Variants in SLC17A5 observed in about 807,000 individuals in gnomAD.
SLC17A5 encodes the protein sialin.
Under a neutral mutation model 59.4 loss-of-function variants are expected in SLC17A5, and 47 were observed. The observed-to-expected ratio is 0.79, with a 90% confidence interval of 0.63 to 1.01. The LOEUF (loss-of-function observed/expected upper bound fraction) is 1.01, where lower values mean the gene tolerates loss of function less well. Among genes scored for constraint, SLC17A5 ranks in the 50% least tolerant of loss-of-function variants. The pLI is 0.00. For missense variants in SLC17A5, 522 were observed against 595.5 expected, an observed-to-expected ratio of 0.88 and a Z score of 1.28; for synonymous variants, 202 against 210.7, an observed-to-expected ratio of 0.96 and a Z score of 0.36.
At chr6:73,604,069 A>G (rs1476387316) in intron 9 of SLC17A5, among the ~76,000 whole-genome samples, 2 of 152,232 alleles carry the variant, frequency 1.3e-5, no homozygotes, top group Non-Finnish European at 2.9e-5. Flanking sequence ...ACCATGAAGT[A>G]CAGATCTTTT....
chr6:73,641,996 T>C (rs1769308333), intron 2 of SLC17A5, 72 bp from the exon 3 acceptor site: 2 of 1,265,880 alleles, frequency 1.6e-6, no homozygotes, highest in Non-Finnish European at 2.3e-6. Context: ...CTTACTGGCA[T>C]GTAAGTACAT....
intron 3 of SLC17A5, 92 bp downstream of exon 3, chr6:73,641,599 T>C: frequency 1.1e-6 from 1 of 913,298 alleles, no homozygotes; most frequent in Non-Finnish European, 1.7e-6. Flanking sequence ...ACGTTATTTT[T>C]TGGTTCATAT....
In SLC17A5 at chr6:73,594,987, C is replaced by T. The variant is rs1766727867; in HGVS notation, c.*90G>A. ...TAATACAAGTACAATTAAAAAAAGA[C>T]ATAGAATGCTTACACAATACAGAAG... On this transcript the variant is annotated 3_prime_UTR_variant, in exon 11 of 11. Coordinates refer to ENST00000355773, the MANE Select transcript of SLC17A5 (RefSeq NM_012434.5). 3.6e-6 allele frequency: 5 copies of T among 1,378,046 alleles called. No individual in the cohort carries two copies. Among genetic ancestry groups the T allele is most frequent in the East Asian group, 4.6e-5 (2 of 43,618 alleles). The allele number at this position is 1,378,046 out of a possible 1,614,324, so 85.4% of individuals were successfully genotyped here.
At chr6:73,652,314 G>T (rs948813508) in intron 1 of SLC17A5, among the ~76,000 whole-genome samples, 18 of 152,130 alleles carry the variant, frequency 1.2e-4, no homozygotes, top group African/African-American at 4.3e-4. Flanking sequence ...CTTTATTGAA[G>T]TATAATTTAC....
Position 73,628,297 on chromosome 6 carries a change from G to A in SLC17A5, c.820-6335C>T, listed in dbSNP as rs1768532831. Reference sequence around the variant, plus strand: ...AGAAAATACATATGCGTGGCTGGGCGTGGTGGCTCACACCTGTAATCCCAG... The same window carrying A: ...AGAAAATACATATGCGTGGCTGGGCATGGTGGCTCACACCTGTAATCCCAG... On this transcript the variant is annotated intron_variant, in intron 6 of 10. Coordinates refer to ENST00000355773, the MANE Select transcript of SLC17A5 (RefSeq NM_012434.5). 3.3e-5 allele frequency among the ~76,000 whole-genome samples: 5 copies of A among 152,250 alleles called. No homozygotes were observed. In the South Asian group the frequency reaches 1.0e-3, roughly 32 times the overall value.
intron 6 of SLC17A5, among the ~76,000 whole-genome samples, chr6:73,629,495 G>C (rs115694151): frequency 6.6e-6 from 1 of 152,016 alleles, no homozygotes; most frequent in Admixed American, 6.6e-5. Flanking sequence ...AGAAGAAGCC[G>C]GGTGTGGTGG....
chr6:73,653,611 C>T, intron 1 of SLC17A5, 182 bp downstream of exon 1: 1 of 577,328 alleles, frequency 1.7e-6, no homozygotes, highest in Non-Finnish European at 2.2e-6. Context: ...GGGGCTTCTG[C>T]GCACCGAGGC....
intron 7 of SLC17A5, among the ~76,000 whole-genome samples, chr6:73,619,131 A>G (rs1417955122): frequency 1.3e-5 from 2 of 152,150 alleles, no homozygotes; most frequent in Non-Finnish European, 2.9e-5. Context: ...GAGCCGTCAG[A>G]AGACACTCAA....
At chr6:73,600,306 G>T in intron 10 of SLC17A5, 45 bp downstream of exon 10, 1 of 1,338,308 alleles carries the variant, frequency 7.5e-7, no homozygotes, top group Non-Finnish European at 1.1e-6. Context: ...ACACAGATGT[G>T]CAGCTCCAAA....
At chr6:73,644,658 G>C in intron 1 of SLC17A5, 55 bp from the exon 2 acceptor site, 1 of 1,506,308 alleles carries the variant, frequency 6.6e-7, no homozygotes, top group Non-Finnish European at 9.0e-7. Context: ...TATTTTTAGA[G>C]ACAGGGTTTT....
rs1562004003 is a variant in SLC17A5, at chr6:73,653,498, T to TCCCCCCCCCCCC, written c.94+294_94+295insGGGGGGGGGGGG. ...AGCTCAGCGCCGGCTGCACCGCCGC[T>TCCCCCCCCCCCC]CCCCCGCCCCCGCCCCCGCCCCCGC... On this transcript the variant is annotated intron_variant, in intron 1 of 10. Coordinates refer to ENST00000355773, the MANE Select transcript of SLC17A5 (RefSeq NM_012434.5). 5 of 951,360 alleles carry TCCCCCCCCCCCC rather than the reference T, an allele frequency of 5.3e-6. No homozygotes were observed. In the African/African-American group the frequency reaches 9.8e-5, roughly 19 times the overall value. 58.9% of individuals were successfully genotyped at this position (951,360 alleles called of 1,614,324 possible). A position where few individuals can be genotyped will look rare whatever the true frequency, so the allele number is the denominator to read the frequency against.
chr6:73,636,257 T>C (rs1411184600), intron 5 of SLC17A5, among the ~76,000 whole-genome samples: 2 of 124,456 alleles, frequency 1.6e-5, no homozygotes, highest in African/African-American at 2.9e-5. Context: ...AATTGAGCAA[T>C]AAAATGCCTT....
chr6:73,623,230 G>C (rs901719845), intron 6 of SLC17A5, among the ~76,000 whole-genome samples: 1 of 152,102 alleles, frequency 6.6e-6, no homozygotes, highest in Admixed American at 6.6e-5. Flanking sequence ...GTAGAGACAA[G>C]GTTTCACTAT....
chr6:73,610,294 A>G (rs568244597), intron 9 of SLC17A5, 106 bp downstream of exon 9: 6 of 1,378,120 alleles, frequency 4.4e-6, no homozygotes, highest in East Asian at 4.7e-5. Flanking sequence ...TTGGCCTCCC[A>G]AAGTGCTGGG....
intron 6 of SLC17A5, among the ~76,000 whole-genome samples, chr6:73,623,601 T>TG (rs1165833580): frequency 6.6e-6 from 1 of 152,162 alleles, no homozygotes; most frequent in African/African-American, 2.4e-5. Flanking sequence ...CCCAAAGTTC[T>TG]GGGATTACAG....
intron 1 of SLC17A5, among the ~76,000 whole-genome samples, chr6:73,650,306 G>A (rs1422934549): frequency 1.3e-5 from 2 of 151,478 alleles, no homozygotes; most frequent in Admixed American, 6.6e-5. Flanking sequence ...TCAGGAGATC[G>A]AGACCATCCT....
In SLC17A5 at chr6:73,594,815, A is replaced by C; in HGVS notation, c.*262T>G. On this transcript the variant is annotated 3_prime_UTR_variant, in exon 11 of 11. Transcript: ENST00000355773. Reference sequence around the variant, plus strand: ...AGTATGGCCCTAAAAAATCAACAGAACTGTCCTACTTCATGTTGCCCGACT... The same window carrying C: ...AGTATGGCCCTAAAAAATCAACAGACCTGTCCTACTTCATGTTGCCCGACT... 1 of 470,488 alleles carries C rather than the reference A, an allele frequency of 2.1e-6. No individual in the cohort carries two copies. Among genetic ancestry groups the C allele is most frequent in the East Asian group, 4.2e-5 (1 of 23,910 alleles). 29.1% of individuals were successfully genotyped at this position (470,488 alleles called of 1,614,324 possible).
chr6:73,629,152 C>T (rs1196547366), intron 6 of SLC17A5, among the ~76,000 whole-genome samples: 1 of 151,948 alleles, frequency 6.6e-6, no homozygotes, highest in Admixed American at 6.6e-5. Flanking sequence ...ACTTTGGAGG[C>T]TGAGGCAGGC....
At chr6:73,608,420 T>A (rs2150084955) in intron 9 of SLC17A5, among the ~76,000 whole-genome samples, 1 of 152,230 alleles carries the variant, frequency 6.6e-6, no homozygotes, top group South Asian at 2.1e-4. Flanking sequence ...CATTTCATTG[T>A]GTGATTTTAT....
Sources: gnomAD v4.1 joint callset for allele counts (sites outside exome capture counted in the v4.1 genomes callset) on GRCh38, gnomAD v4.1.1 for gene constraint, MANE v1.5 for transcripts, NCBI Gene and HGNC (gene_info 2026-07-23, HGNC 2026-07-21) for gene names.